Variants in PHACTR3 observed in about 807,000 individuals in gnomAD.
PHACTR3 encodes protein phosphatase 1, regulatory subunit 123.
In PHACTR3, 16 loss-of-function variants were observed where a neutral mutation model predicts 66.8. The ratio of observed to expected loss-of-function variants is 0.24; its 90% CI spans 0.16 to 0.36. The LOEUF (loss-of-function observed/expected upper bound fraction) is 0.36. Among genes scored for constraint, PHACTR3 ranks in the 10% least tolerant of loss-of-function variants. The pLI is 1.00. For synonymous variants in PHACTR3, 323 were observed against 292.1 expected (o/e 1.11, Z -1.08); for missense variants, 647 against 719.9 (o/e 0.90, Z 1.16).
intron 4 of PHACTR3, among the ~76,000 whole-genome samples, chr20:59,766,194 A>T (rs1018799109): frequency 6.6e-6 from 1 of 152,174 alleles, no homozygotes; most frequent in Non-Finnish European, 1.5e-5. Context: ...GAGGTGGGGA[A>T]GGGACAGAAA....
At position 59,773,469 on chromosome 20, in the gene PHACTR3, A is replaced by G. The variant is rs778885725; in HGVS notation, c.926+16A>G. 5 of 1,587,500 alleles carry G rather than the reference A, an allele frequency of 3.1e-6. No homozygotes were observed. The highest frequency in any genetic ancestry group is 1.1e-5 in the South Asian group (1 of 88,402). On this transcript the variant is annotated intron_variant, in intron 6 of 12. Transcript: ENST00000371015. ...GCCAGGACAGGTGAGGCCCTGCCCC[A>G]TGAGGGAGACCTGTGCTGCCAGAAT...
intron 7 of PHACTR3, among the ~76,000 whole-genome samples, chr20:59,778,091 C>T (rs112559419): frequency 6.4e-4 from 98 of 152,288 alleles, no homozygotes; most frequent in African/African-American, 2.2e-3. Flanking sequence ...TGGAGCAGTT[C>T]GCGGGTCCAG....
At chr20:59,794,216 A>G (rs2146964550) in intron 7 of PHACTR3, among the ~76,000 whole-genome samples, 1 of 152,134 alleles carries the variant, frequency 6.6e-6, no homozygotes, top group South Asian at 2.1e-4. Context: ...AATGATGTTA[A>G]CTATGGATTT....
At chr20:59,768,024 C>T (rs537061150) in intron 5 of PHACTR3, among the ~76,000 whole-genome samples, 3 of 152,190 alleles carry the variant, frequency 2.0e-5, no homozygotes, top group Non-Finnish European at 4.4e-5. Context: ...CCAGTGAGTT[C>T]TGTCCAGCAA....
intron 4 of PHACTR3, among the ~76,000 whole-genome samples, chr20:59,759,681 G>T (rs777582161): frequency 3.3e-5 from 5 of 152,168 alleles, no homozygotes; most frequent in Non-Finnish European, 7.3e-5. Flanking sequence ...AGCTCAGGGG[G>T]ACCAGCTGTT....
intron 1 of PHACTR3, among the ~76,000 whole-genome samples, chr20:59,695,721 C>T (rs2146594099): frequency 6.8e-6 from 1 of 147,552 alleles, no homozygotes; most frequent in Non-Finnish European, 1.5e-5. Flanking sequence ...TATCTCTCTC[C>T]TAGAAGTTGT....
intron 1 of PHACTR3, among the ~76,000 whole-genome samples, chr20:59,722,483 A>G (rs77323393): frequency 0.03 from 4,505 of 152,218 alleles, 152 homozygotes; most frequent in South Asian, 0.11. Flanking sequence ...TGGAGGGAGC[A>G]TGATGGAGAA....
intron 4 of PHACTR3, among the ~76,000 whole-genome samples, chr20:59,765,509 C>A (rs1178734942): frequency 2.0e-5 from 3 of 152,086 alleles, no homozygotes; most frequent in Non-Finnish European, 4.4e-5. Flanking sequence ...GTTCTCCAGG[C>A]ATTAGGAGGG....
chr20:59,838,286 C>T (rs1312653376), intron 9 of PHACTR3, among the ~76,000 whole-genome samples: 3 of 152,172 alleles, frequency 2.0e-5, no homozygotes, highest in South Asian at 2.1e-4. Flanking sequence ...AAACATCATA[C>T]TCATAGGCTC....
In PHACTR3 at chr20:59,671,026, C is replaced by A. The variant is rs113429874; in HGVS notation, c.118+65894C>A. 8.7e-4 allele frequency among the ~76,000 whole-genome samples: 133 copies of A among 152,298 alleles called. 3 individuals are homozygous for A. The highest frequency in any genetic ancestry group is 3.1e-3 in the African/African-American group (128 of 41,558). ...CAGCAACCTTGTGAGGCTGCCCCAC[C>A]CCCTCCACAGCTCCTCCCTGGTCCA... On this transcript the variant is annotated intron_variant, in intron 1 of 12. Transcript: ENST00000371015.
At chr20:59,766,619 C>T (rs762536055) in intron 4 of PHACTR3, among the ~76,000 whole-genome samples, 9 of 152,032 alleles carry the variant, frequency 5.9e-5, no homozygotes, top group African/African-American at 7.2e-5. Flanking sequence ...TCCTCCAAGT[C>T]GATCCTTCCT....
At chr20:59,613,431 C>G (rs1388923968) in intron 1 of PHACTR3, among the ~76,000 whole-genome samples, 3 of 152,190 alleles carry the variant, frequency 2.0e-5, no homozygotes, top group Non-Finnish European at 4.4e-5. Flanking sequence ...TTTGACATTG[C>G]CTTCTTGGGA....
At chr20:59,737,474 G>A (rs946914763) in intron 1 of PHACTR3, among the ~76,000 whole-genome samples, 13 of 152,000 alleles carry the variant, frequency 8.6e-5, no homozygotes, top group Non-Finnish European at 1.8e-4. Context: ...ACAAATGAGT[G>A]TGTGCGTGCA....
chr20:59,674,260 A>T (rs1221878533), intron 1 of PHACTR3, among the ~76,000 whole-genome samples: 1 of 150,640 alleles, frequency 6.6e-6, no homozygotes, highest in Non-Finnish European at 1.5e-5. Flanking sequence ...ATGTGGACTA[A>T]CGCCCCCAGA....
chr20:59,658,239 AT>A (rs1294046152), intron 1 of PHACTR3, among the ~76,000 whole-genome samples: 2 of 151,968 alleles, frequency 1.3e-5, no homozygotes, highest in African/African-American at 4.8e-5. Flanking sequence ...GTACATATTT[AT>A]AATATTTTGG....
chr20:59,644,135 G>A (rs937331169), intron 1 of PHACTR3, among the ~76,000 whole-genome samples: 3 of 152,162 alleles, frequency 2.0e-5, no homozygotes, highest in South Asian at 4.1e-4. Flanking sequence ...GGGAGGAAAA[G>A]CCTCCATTAT....
chr20:59,774,123 A>C, intron 6 of PHACTR3, 120 bp from the exon 7 acceptor site: 2 of 1,323,624 alleles, frequency 1.5e-6, no homozygotes, highest in South Asian at 3.1e-5. Flanking sequence ...GATAAAAACC[A>C]AGAGGTCACA....
intron 7 of PHACTR3, among the ~76,000 whole-genome samples, chr20:59,782,344 G>A (rs746442757): frequency 3.3e-5 from 5 of 152,090 alleles, no homozygotes; most frequent in East Asian, 1.9e-4. Context: ...CTCCACCTCC[G>A]GAGTTCAAAC....
intron 3 of PHACTR3, among the ~76,000 whole-genome samples, chr20:59,751,118 G>A (rs2039562413): frequency 6.6e-6 from 1 of 152,226 alleles, no homozygotes; most frequent in Non-Finnish European, 1.5e-5. Context: ...TAGGCACGCA[G>A]TGCCGCCGCC....
Sources: gnomAD v4.1 joint callset for allele counts (sites outside exome capture counted in the v4.1 genomes callset) on GRCh38, gnomAD v4.1.1 for gene constraint, MANE v1.5 for transcripts, NCBI Gene and HGNC (gene_info 2026-07-23, HGNC 2026-07-21) for gene names.